The following EIF4ENIF1 variants were observed in gnomAD, a reference collection of about 807,000 sequenced individuals.
The protein encoded by EIF4ENIF1 is eukaryotic translation initiation factor 4E nuclear import factor 1.
In EIF4ENIF1, 23 loss-of-function variants were observed where a neutral mutation model predicts 110.5. The ratio of observed to expected loss-of-function variants is 0.21; its 90% confidence interval spans 0.15 to 0.29. EIF4ENIF1 has a LOEUF of 0.29. EIF4ENIF1 is among the 10% of genes least tolerant of loss of function. EIF4ENIF1 has a pLI of 1.00. For synonymous variants in EIF4ENIF1, 440 were observed against 437.0 expected (o/e 1.01, Z -0.09); for missense variants, 1,031 against 1,221.1 (o/e 0.84, Z 2.32).
rs769825241 is a variant in EIF4ENIF1 at position 31,463,085 on chromosome 22, C to T, written c.634G>A (p.Asp212Asn). ...KRVFGERRRNDSYTEEEPEWF... is the reference protein window; with the variant it reads ...KRVFGERRRNNSYTEEEPEWF... ...TCTGGTTCTTCTTCTGTGTAAGAAT[C>T]ATTTCTTCTACGCTCACCAAAGACA... Residue 212 changes from aspartate to asparagine, a missense_variant, in exon 6 of 19, where the codon GAT (aspartate) becomes AAT (asparagine). Physicochemically the swap from Asp to Asn is conservative, Grantham distance 23. Transcript: ENST00000330125. The T allele has an allele frequency of 1.2e-5, 20 of 1,614,044 alleles. No homozygotes were observed. Among genetic ancestry groups the T allele is most frequent in the Middle Eastern group, 1.6e-4 (1 of 6,080 alleles).
intron 2 of EIF4ENIF1, among the ~76,000 whole-genome samples, chr22:31,475,954 G>A (rs903446578): frequency 6.6e-6 from 1 of 152,000 alleles, no homozygotes; most frequent in South Asian, 2.1e-4. Flanking sequence ...CTTTGGGGCT[G>A]GGGGGAGGGG....
At chr22:31,449,272 A>G (rs1203607665) in intron 12 of EIF4ENIF1, 76 bp downstream of exon 12, 13 of 1,491,942 alleles carry the variant, frequency 8.7e-6, no homozygotes, top group Non-Finnish European at 1.2e-5. Context: ...GGCCTCCCAG[A>G]GTGCTGGAAT....
chr22:31,450,732 ACACACACACT>A (rs952230332), intron 10 of EIF4ENIF1: 6 of 283,914 alleles, frequency 2.1e-5, no homozygotes, highest in East Asian at 9.4e-5. Context: ...ACACACACAC[ACACACACACT>A]CATATATACA....
At chr22:31,450,038 T>C (rs554468932) in intron 11 of EIF4ENIF1, among the ~76,000 whole-genome samples, 1 of 152,298 alleles carries the variant, frequency 6.6e-6, no homozygotes, top group Admixed American at 6.5e-5. Context: ...GCTAGATACT[T>C]TTAAGTTTCA....
intron 11 of EIF4ENIF1, among the ~76,000 whole-genome samples, chr22:31,450,014 AGCCACCGT>A (rs2050597316): frequency 6.6e-6 from 1 of 152,194 alleles, no homozygotes; most frequent in Non-Finnish European, 1.5e-5. Flanking sequence ...TACAGGTGTG[AGCCACCGT>A]GCCTGGCTAG....
At chr22:31,468,841 C>T (rs911336585) in intron 3 of EIF4ENIF1, among the ~76,000 whole-genome samples, 10 of 152,176 alleles carry the variant, frequency 6.6e-5, no homozygotes, top group Non-Finnish European at 1.5e-4. Context: ...ATGGTCTGTA[C>T]ACAATTGAAA....
chr22:31,478,239 G>A (rs1015445324), intron 2 of EIF4ENIF1, among the ~76,000 whole-genome samples: 1 of 152,254 alleles, frequency 6.6e-6, no homozygotes, highest in African/African-American at 2.4e-5. Flanking sequence ...TTTGGGCCAG[G>A]CATGCTGGCT....
At chr22:31,438,988 G>A (rs2050215730), downstream of EIF4ENIF1, among the ~76,000 whole-genome samples, 1 of 152,154 alleles carries the variant, frequency 6.6e-6, no homozygotes, top group African/African-American at 2.4e-5. Flanking sequence ...CCAGAGTGCT[G>A]AGATTACAGG....
At chr22:31,484,474 C>T (rs969709920) in intron 2 of EIF4ENIF1, among the ~76,000 whole-genome samples, 3 of 151,690 alleles carry the variant, frequency 2.0e-5, no homozygotes, top group Non-Finnish European at 2.9e-5. Context: ...ATCTGGCCAA[C>T]GTGTTTTTTT....
At chr22:31,463,363 C>T (rs118072631) in intron 5 of EIF4ENIF1, among the ~76,000 whole-genome samples, 1 of 152,110 alleles carries the variant, frequency 6.6e-6, no homozygotes, top group Non-Finnish European at 1.5e-5. Flanking sequence ...TCCCCAAGCA[C>T]ATGAACTACC....
chr22:31,458,795 T>A, intron 6 of EIF4ENIF1, 145 bp from the exon 7 acceptor site: 1 of 623,056 alleles, frequency 1.6e-6, no homozygotes, highest in Non-Finnish European at 2.4e-6. Context: ...CTTGCAAGAA[T>A]AAAACAGTCC....
chr22:31,438,293 A>T (rs1601542650), downstream of EIF4ENIF1, among the ~76,000 whole-genome samples: 2 of 152,356 alleles, frequency 1.3e-5, no homozygotes, highest in Non-Finnish European at 2.9e-5. Context: ...GGGGACTCAG[A>T]ACTGTACTGT....
intron 9 of EIF4ENIF1, 32 bp downstream of exon 9, chr22:31,455,104 G>A (rs2050775355): frequency 6.4e-7 from 1 of 1,552,076 alleles, no homozygotes; most frequent in Non-Finnish European, 8.7e-7. Flanking sequence ...GACCTTTTCA[G>A]ATATCTAAAA....
chr22:31,478,459 T>C (rs2051673637), intron 2 of EIF4ENIF1, among the ~76,000 whole-genome samples: 1 of 136,924 alleles, frequency 7.3e-6, no homozygotes, highest in Non-Finnish European at 1.5e-5. Flanking sequence ...GAGGTTGTAG[T>C]GAGCCGAGAT....
intron 3 of EIF4ENIF1, among the ~76,000 whole-genome samples, chr22:31,471,128 T>G (rs117173247): frequency 0.01 from 1,550 of 151,600 alleles, 15 homozygotes; most frequent in Non-Finnish European, 0.012. Flanking sequence ...AACCAAAGCC[T>G]TCTTCTTCTG....
chr22:31,490,826 C>G (rs2052252648), upstream of EIF4ENIF1, among the ~76,000 whole-genome samples: 1 of 152,140 alleles, frequency 6.6e-6, no homozygotes, highest in Non-Finnish European at 1.5e-5. Flanking sequence ...CGTGAAGTCC[C>G]GAGAACGCAA....
chr22:31,491,328 T>G (rs1262326934), upstream of EIF4ENIF1, among the ~76,000 whole-genome samples: 1 of 152,202 alleles, frequency 6.6e-6, no homozygotes, highest in Non-Finnish European at 1.5e-5. Flanking sequence ...GGAATCCAAA[T>G]TCTTCCTAAA....
In EIF4ENIF1 at chr22:31,456,435, G is replaced by A. The variant is rs200470320; in HGVS notation, c.964-448C>T. 8.6e-5 allele frequency among the ~76,000 whole-genome samples: 13 copies of A among 152,020 alleles called. No homozygotes were observed. In the East Asian group the frequency reaches 1.2e-3, roughly 14 times the overall value. On this transcript the variant is annotated intron_variant, in intron 7 of 18. Coordinates refer to ENST00000330125, the MANE Select transcript of EIF4ENIF1 (RefSeq NM_019843.4). ...AGACGGGGTTTTACCGTGTTAGCCA[G>A]GATGGTCTCGATCTCCTGACCTTGT...
upstream of EIF4ENIF1, among the ~76,000 whole-genome samples, chr22:31,491,880 T>C (rs765714598): frequency 1.9e-4 from 29 of 152,196 alleles, no homozygotes; most frequent in Non-Finnish European, 3.7e-4. Context: ...CCGGAAATTA[T>C]GGATTTCTGG....
Sources: allele counts gnomAD v4.1 joint callset (sites outside exome capture counted in the v4.1 genomes callset), GRCh38; gene constraint gnomAD v4.1.1; transcripts MANE v1.5; gene names NCBI Gene and HGNC (gene_info 2026-07-23, HGNC 2026-07-21).